PDE4D: variants seen among roughly 807,000 people sequenced by gnomAD.
PDE4D encodes phosphodiesterase 4D, also known as 3',5'-cyclic-AMP phosphodiesterase 4D.
In PDE4D, 24 loss-of-function variants were observed where a neutral mutation model predicts 87.4. That is an observed-to-expected ratio of 0.27 (90% CI 0.20 to 0.39). PDE4D has a LOEUF of 0.39. Among genes scored for constraint, PDE4D ranks in the 10% least tolerant of loss-of-function variants. The pLI, the probability that PDE4D is intolerant of heterozygous loss-of-function variation, is 1.00. For synonymous variants in PDE4D, 384 were observed against 383.2 expected, an observed-to-expected ratio of 1.00 and a Z score of -0.02; for missense variants, 714 against 1,041.0, an observed-to-expected ratio of 0.69 and a Z score of 4.32.
At chr5:59,789,095 G>A (rs950598187) in intron 1 of PDE4D, among the ~76,000 whole-genome samples, 1 of 152,210 alleles carries the variant, frequency 6.6e-6, no homozygotes, top group African/African-American at 2.4e-5. Flanking sequence ...TATAGGAACA[G>A]AGATACTGAT....
chr5:59,044,594 T>C (rs1359503298), intron 5 of PDE4D, among the ~76,000 whole-genome samples: 1 of 152,214 alleles, frequency 6.6e-6, no homozygotes, highest in Non-Finnish European at 1.5e-5. Context: ...TAATTTTTTT[T>C]CCTCTATACA....
In PDE4D at chr5:60,287,145, A is replaced by G. The variant is rs901208817; in HGVS notation, c.-89-101458T>C. On this transcript the variant is annotated intron_variant, in intron 1 of 16. Transcript: ENST00000502484. ...ATCCTTACTGTGTGTCCAAGGCACTACTCTAGACAGCACAGACGGATACAA... is the reference window on the plus strand; with the variant it reads ...ATCCTTACTGTGTGTCCAAGGCACTGCTCTAGACAGCACAGACGGATACAA... 3.3e-5 allele frequency among the ~76,000 whole-genome samples: 5 copies of G among 152,276 alleles called. No individual in the cohort carries two copies. The East Asian group carries it at 9.6e-4, about 29-fold the overall frequency.
chr5:59,823,358 C>A (rs1485810859), intron 1 of PDE4D, among the ~76,000 whole-genome samples: 1 of 151,574 alleles, frequency 6.6e-6, no homozygotes, highest in African/African-American at 2.4e-5. Context: ...TTTTTCCATT[C>A]TTTGAAAAAC....
chr5:60,416,601 G>T (rs58376959), intron 1 of PDE4D, among the ~76,000 whole-genome samples: 1 of 152,082 alleles, frequency 6.6e-6, no homozygotes, highest in Non-Finnish European at 1.5e-5. Flanking sequence ...AGGAAACTCC[G>T]AACACATCCG....
At chr5:60,274,494 G>A (rs1189323041) in intron 1 of PDE4D, among the ~76,000 whole-genome samples, 1 of 152,140 alleles carries the variant, frequency 6.6e-6, no homozygotes, top group Non-Finnish European at 1.5e-5. Flanking sequence ...CCAAGTAGCT[G>A]AGATTACCGG....
At chr5:59,257,453 A>T (rs945977771) in intron 1 of PDE4D, among the ~76,000 whole-genome samples, 22 of 152,034 alleles carry the variant, frequency 1.4e-4, no homozygotes, top group Admixed American at 1.2e-3. Flanking sequence ...TTTTGCATCA[A>T]CCATGTCATT....
intron 1 of PDE4D, among the ~76,000 whole-genome samples, chr5:59,315,958 G>A (rs1773632863): frequency 6.6e-6 from 1 of 152,116 alleles, no homozygotes; most frequent in South Asian, 2.1e-4. Context: ...CCAATAATCA[G>A]GCGGGACACT....
chr5:59,984,901 G>A (rs185391537), intron 3 of PDE4D, among the ~76,000 whole-genome samples: 10 of 151,988 alleles, frequency 6.6e-5, no homozygotes, highest in Admixed American at 2.0e-4. Flanking sequence ...ATGAAAAGTC[G>A]CCTTGACCAT....
chr5:60,476,485 G>A lies in PDE4D; in HGVS notation c.-90+11457C>T, dbSNP rs369319577. On this transcript the variant is annotated intron_variant, in intron 1 of 16. Transcript: ENST00000502484. The stretch of plus-strand genomic sequence containing the variant: ...TTGCTCCCTATAGCCTGTGCCCCAC[G>A]CAGCAGCCAGAATCAGACCATGTCT... Among the ~76,000 whole-genome samples the A allele has an allele frequency of 1.2e-3, 188 of 152,162 alleles. 1 individual carries two copies. The highest frequency in any genetic ancestry group is 4.4e-3 in the African/African-American group (182 of 41,518).
At chr5:59,565,006 T>C (rs902610634) in intron 1 of PDE4D, among the ~76,000 whole-genome samples, 1 of 152,042 alleles carries the variant, frequency 6.6e-6, no homozygotes, top group Non-Finnish European at 1.5e-5. Flanking sequence ...GGACAAAGGT[T>C]GATGAATGAA....
chr5:59,635,030 A>C (rs298037), intron 1 of PDE4D, among the ~76,000 whole-genome samples: 110,596 of 151,936 alleles, frequency 0.73, 41,100 homozygotes, highest in South Asian at 0.91. Flanking sequence ...AAATAGACAC[A>C]ATAAATAAAA....
At chr5:59,246,926 T>C (rs1302623807) in intron 1 of PDE4D, among the ~76,000 whole-genome samples, 1 of 144,264 alleles carries the variant, frequency 6.9e-6, no homozygotes, top group Non-Finnish European at 1.6e-5. Context: ...TGTGTGTATA[T>C]GCACATGTGT....
intron 5 of PDE4D, among the ~76,000 whole-genome samples, chr5:59,046,274 G>A (rs972395167): frequency 6.6e-6 from 1 of 152,320 alleles, no homozygotes; most frequent in South Asian, 2.1e-4. Context: ...GAATATGTAT[G>A]TGTGTGCATG....
At chr5:59,615,004 A>AT (rs1829479942) in intron 1 of PDE4D, among the ~76,000 whole-genome samples, 2 of 151,840 alleles carry the variant, frequency 1.3e-5, no homozygotes, top group Non-Finnish European at 2.9e-5. Context: ...TAATTTTTGT[A>AT]TTTTTTGTAG....
intron 3 of PDE4D, among the ~76,000 whole-genome samples, chr5:59,914,281 G>T (rs546768862): frequency 1.4e-4 from 21 of 152,224 alleles, no homozygotes; most frequent in African/African-American, 4.8e-4. Flanking sequence ...AAACAAAGAT[G>T]GGGGGTGGTT....
chr5:60,485,359 G>A (rs1310791581), intron 1 of PDE4D, among the ~76,000 whole-genome samples: 5 of 150,634 alleles, frequency 3.3e-5, no homozygotes, highest in Non-Finnish European at 7.4e-5. Flanking sequence ...AAAAACGTTG[G>A]AGGGAAGAGC....
chr5:59,234,305 A>C (rs577067022), intron 1 of PDE4D, among the ~76,000 whole-genome samples: 1 of 152,164 alleles, frequency 6.6e-6, no homozygotes, highest in East Asian at 1.9e-4. Flanking sequence ...TGTAGAATTT[A>C]TTCGATATAA....
At chr5:59,566,248 A>G (rs2153693604) in intron 1 of PDE4D, among the ~76,000 whole-genome samples, 1 of 152,240 alleles carries the variant, frequency 6.6e-6, no homozygotes, top group African/African-American at 2.4e-5. Context: ...GGGTGAAGTA[A>G]GGATCTTTAG....
rs150076267 is a variant in PDE4D at position 60,018,878 on chromosome 5, A to T, written c.43-30161T>A. ...ACCTACCAAGAGACTTAGACACAAT[A>T]ACAGTGGTAGACTTAAACACCCTAC... On this transcript the variant is annotated intron_variant, in intron 2 of 16. Transcript: ENST00000502484. Among the ~76,000 whole-genome samples the T allele has an allele frequency of 2.3e-3, 343 of 152,134 alleles. 3 individuals are homozygous for T. Among genetic ancestry groups the T allele is most frequent in the Middle Eastern group, 0.014 (4 of 294 alleles).
Sources: gnomAD v4.1 joint callset for allele counts (sites outside exome capture counted in the v4.1 genomes callset) on GRCh38, gnomAD v4.1.1 for gene constraint, MANE v1.5 for transcripts, NCBI Gene and HGNC (gene_info 2026-07-23, HGNC 2026-07-21) for gene names.